TTC13: variants seen among roughly 807,000 people sequenced by gnomAD.
The protein encoded by TTC13 is tetratricopeptide repeat domain 13.
Under a neutral mutation model 120.0 loss-of-function variants are expected in TTC13, and 62 were observed. That is an observed-to-expected ratio of 0.52 (90% confidence interval 0.42 to 0.64). The LOEUF (loss-of-function observed/expected upper bound fraction) is 0.64, where lower values mean the gene tolerates loss of function less well. TTC13 is among the 30% of genes least tolerant of loss of function. The pLI, the probability that TTC13 is intolerant of heterozygous loss-of-function variation, is 0.00. For missense variants in TTC13, 824 were observed against 1,050.2 expected (o/e 0.78, Z 2.98); for synonymous variants, 384 against 393.5 (o/e 0.98, Z 0.28).
rs754083544 is a variant in TTC13 at position 230,908,900 on chromosome 1, T to TA, written c.2388+41dup. ...AAATAAAAATCCATAAATTGGGACT[T>TA]AATACATAACCAAGCATTTCTCCCT... On this transcript the variant is annotated intron_variant, in intron 21 of 22. Coordinates refer to ENST00000366661, the MANE Select transcript of TTC13 (RefSeq NM_024525.5). 1.1e-5 allele frequency: 18 copies of TA among 1,611,018 alleles called. No homozygotes were observed. The East Asian group carries it at 2.0e-4, about 18-fold the overall frequency.
rs573413935 is a variant in TTC13 at position 230,941,520 on chromosome 1, C to T, written c.673-964G>A. 1.4e-4 allele frequency among the ~76,000 whole-genome samples: 21 copies of T among 152,252 alleles called. No individual in the cohort carries two copies. In the South Asian group the frequency reaches 4.1e-3, roughly 30 times the overall value. ...GTCTCACTACATTGACCAGGCTGGTCTTGAACTCTTGGCCTTGAGCAATCC... is the reference window on the plus strand; with the variant it reads ...GTCTCACTACATTGACCAGGCTGGTTTTGAACTCTTGGCCTTGAGCAATCC... On this transcript the variant is annotated intron_variant, in intron 6 of 22. Coordinates refer to ENST00000366661, the MANE Select transcript of TTC13 (RefSeq NM_024525.5).
chr1:230,944,214 T>C lies in TTC13; in HGVS notation c.580-316A>G, dbSNP rs1237274444. The stretch of plus-strand genomic sequence containing the variant: ...ATCAACGAATCTCAATGGATGAGTA[T>C]GTGGATACCAGCACATGAAATGAGG... On this transcript the variant is annotated intron_variant, in intron 5 of 22. Coordinates refer to ENST00000366661, the MANE Select transcript of TTC13 (RefSeq NM_024525.5). This position sits in a 1 kb window ranked among gnomAD's most constrained non-coding sequence, Gnocchi z 4.0. 6.6e-6 allele frequency among the ~76,000 whole-genome samples: 1 copy of C among 152,198 alleles called. No individual in the cohort carries two copies. The highest frequency in any genetic ancestry group is 1.5e-5 in the Non-Finnish European group (1 of 68,038).
chr1:230,967,674 T>TTA (rs1455065634), intron 1 of TTC13, among the ~76,000 whole-genome samples: 4 of 152,188 alleles, frequency 2.6e-5, no homozygotes, highest in African/African-American at 9.7e-5. Context: ...GTTGCTAGAG[T>TTA]TATAACTATA....
rs767433461 is a variant in TTC13, at chr1:230,958,244, T to C, written c.422A>G (p.Asp141Gly). 6.2e-7 allele frequency: 1 copy of C among 1,612,426 alleles called. No individual in the cohort carries two copies. The highest frequency in any genetic ancestry group is 2.2e-5 in the East Asian group (1 of 44,830). ...CTTACCTAACTCTTCATTTGTGCTG[T>C]CATTATCAGTGGCAAACGGGAATCT... ...QKRFPFATDN[D>G]STNEELAIAY... The change falls in exon 3 of 23, where the codon GAC becomes GGC. Residue 141 changes from aspartate (D) to glycine (G), a missense_variant. Asp to Gly is a moderately conservative substitution (Grantham distance 94). Transcript: ENST00000366661.
At chr1:230,972,358 C>T (rs7520573) in intron 1 of TTC13, among the ~76,000 whole-genome samples, 111,050 of 152,196 alleles carry the variant, frequency 0.73, 41,055 homozygotes, top group African/African-American at 0.85. Flanking sequence ...CATATGCACT[C>T]TCCTGTATAT....
chr1:230,907,295 T>C (rs1671026521), intron 22 of TTC13, among the ~76,000 whole-genome samples: 1 of 152,236 alleles, frequency 6.6e-6, no homozygotes, highest in African/African-American at 2.4e-5. Flanking sequence ...TGGTGCATGC[T>C]GGGCTTGGAA....
chr1:230,927,255 C>T (rs1244230542), intron 12 of TTC13, among the ~76,000 whole-genome samples: 1 of 152,108 alleles, frequency 6.6e-6, no homozygotes, highest in African/African-American at 2.4e-5. Context: ...GACACAGGAA[C>T]AGAATCTTAT....
At chr1:230,974,184 A>G (rs1678035147) in intron 1 of TTC13, among the ~76,000 whole-genome samples, 1 of 152,180 alleles carries the variant, frequency 6.6e-6, no homozygotes, top group African/African-American at 2.4e-5. Context: ...TTGAATTAAG[A>G]TATTTCTAAG....
intron 2 of TTC13, among the ~76,000 whole-genome samples, chr1:230,959,597 TC>T (rs761993045): frequency 6.6e-6 from 1 of 152,204 alleles, no homozygotes; most frequent in Non-Finnish European, 1.5e-5. Context: ...GTGAGGCTGG[TC>T]TTGAACTCCT....
rs528110719 is a variant in TTC13 at position 230,971,112 on chromosome 1, G to A, written c.271+7448C>T. Among the ~76,000 whole-genome samples, 9 of 152,168 alleles carry A rather than the reference G, an allele frequency of 5.9e-5. No individual in the cohort carries two copies. The East Asian group carries it at 1.4e-3, about 23-fold the overall frequency. On this transcript the variant is annotated intron_variant, in intron 1 of 22. Transcript: ENST00000366661. ...TATAATGCCAGCACTTTGGGAGGCC[G>A]AGGCAGGCGGATCACGAGGTCAGGA...
intron 17 of TTC13, 74 bp from the exon 18 acceptor site, chr1:230,916,376 T>C: frequency 4.7e-6 from 5 of 1,067,760 alleles, no homozygotes; most frequent in Non-Finnish European, 7.3e-6. Flanking sequence ...TCTGTAGTGC[T>C]GGCTCTACCT....
rs1225472813 is a variant in TTC13 at position 230,906,432 on chromosome 1, T to C, written c.*473A>G. The C allele has an allele frequency of 2.6e-5, 4 of 152,258 alleles. No homozygotes were observed. Among genetic ancestry groups the C allele is most frequent in the Non-Finnish European group, 5.9e-5 (4 of 68,086 alleles). 9.4% of individuals were successfully genotyped at this position (152,258 alleles called of 1,614,324 possible). A position where few individuals can be genotyped will look rare whatever the true frequency, so the allele number is the denominator to read the frequency against. On this transcript the variant is annotated 3_prime_UTR_variant, in exon 23 of 23. Transcript: ENST00000366661. Reference sequence around the variant, plus strand: ...ATGGCCCAGGAACCTTCTTCCATGGTTCTAATAAAACAAAGGACCCACACA... The same window carrying C: ...ATGGCCCAGGAACCTTCTTCCATGGCTCTAATAAAACAAAGGACCCACACA...
At chr1:230,941,446 C>T (rs990342539) in intron 6 of TTC13, among the ~76,000 whole-genome samples, 6 of 152,082 alleles carry the variant, frequency 3.9e-5, no homozygotes, top group African/African-American at 1.4e-4. Flanking sequence ...CAGGGTTGTG[C>T]CATCATGCCC....
rs1340888259 is a variant in TTC13 at position 230,978,576 on chromosome 1, G to A, written c.255C>T (p.Tyr85=). 1.5e-6 allele frequency: 2 copies of A among 1,301,082 alleles called. No homozygotes were observed. The highest frequency in any genetic ancestry group is 1.4e-5 in the South Asian group (1 of 70,616). 80.6% of individuals were successfully genotyped at this position (1,301,082 alleles called of 1,614,324 possible). ...SPQSGDWGDQ[Y]SAECGESSFL... is the part of the protein sequence containing the mutation. ...CCCACTCACCGCCGCACTCGGCAGA[G>A]TACTGGTCCCCCCAGTCCCCGGACT... The change falls in exon 1 of 23, where the codon TAC becomes TAT. Residue 85 remains tyrosine (Y), a synonymous_variant. Transcript: ENST00000366661. This position sits in a 1 kb window ranked among gnomAD's most constrained non-coding sequence, Gnocchi z 5.6.
At chr1:230,963,743 G>C (rs1418742719) in intron 1 of TTC13, among the ~76,000 whole-genome samples, 1 of 152,170 alleles carries the variant, frequency 6.6e-6, no homozygotes, top group Admixed American at 6.5e-5. Context: ...AGGACGATGA[G>C]TGGTACACGC....
Position 230,912,752 on chromosome 1 carries a change from G to T in TTC13, c.2100C>A (p.Gly700=). The T allele has an allele frequency of 1.2e-6, 2 of 1,607,048 alleles. No individual in the cohort carries two copies. The highest frequency in any genetic ancestry group is 1.1e-5 in the South Asian group (1 of 89,560). ...FTITITGDKV[G]NILFSVETQT... ...GAGTTTCCACAGAAAATAATATATTGCCAACTCTGAAAATACAAAAATAAG... is the reference window on the plus strand; with the variant it reads ...GAGTTTCCACAGAAAATAATATATTTCCAACTCTGAAAATACAAAAATAAG... Residue 700 remains glycine (G), a synonymous_variant, in exon 19 of 23, where the codon GGC becomes GGA. Transcript: ENST00000366661.
rs778687146 is a variant in TTC13 at position 230,943,857 on chromosome 1, T to C, written c.621A>G (p.Arg207=). The change falls in exon 6 of 23, where the codon CGA becomes CGG. Residue 207 remains arginine, a synonymous_variant. Coordinates refer to ENST00000366661, the MANE Select transcript of TTC13 (RefSeq NM_024525.5). Reference sequence around the variant, plus strand: ...GACGATCTGGTTCCAAGGTAATTACTCGGCTCAGTTCGAACAGAGCAAGCT... The same window carrying C: ...GACGATCTGGTTCCAAGGTAATTACCCGGCTCAGTTCGAACAGAGCAAGCT... ...NAELALFELS[R]VITLEPDRPE... 6.2e-7 allele frequency: 1 copy of C among 1,612,228 alleles called. No individual in the cohort carries two copies. Among genetic ancestry groups the C allele is most frequent in the Non-Finnish European group, 8.5e-7 (1 of 1,178,670 alleles).
intron 11 of TTC13, among the ~76,000 whole-genome samples, chr1:230,931,092 A>C (rs913158453): frequency 6.6e-6 from 1 of 152,240 alleles, no homozygotes; most frequent in Non-Finnish European, 1.5e-5. Context: ...TAAAAATGTT[A>C]AAAGTGGTAG....
At chr1:230,951,746 AAAAC>A (rs771888421) in intron 4 of TTC13, among the ~76,000 whole-genome samples, 4 of 138,694 alleles carry the variant, frequency 2.9e-5, no homozygotes, top group African/African-American at 5.5e-5. Flanking sequence ...ACAAAAGAAA[AAAAC>A]AAACAAAAAA....
Sources: gnomAD v4.1 joint callset for allele counts (sites outside exome capture counted in the v4.1 genomes callset) on GRCh38, gnomAD v4.1.1 for gene constraint, Gnocchi (gnomAD v3.1) non-coding constraint, MANE v1.5 for transcripts, NCBI Gene and HGNC (gene_info 2026-07-23, HGNC 2026-07-21) for gene names.